The following SNX29 variants were observed in gnomAD, a reference collection of about 807,000 sequenced individuals.
SNX29 encodes sorting nexin-29.
A neutral mutation model predicts 102.1 loss-of-function variants in SNX29; 78 were observed. The ratio of observed to expected loss-of-function variants is 0.76; its 90% confidence interval spans 0.64 to 0.92. The LOEUF (loss-of-function observed/expected upper bound fraction) is 0.92, where lower values mean the gene tolerates loss of function less well. Among genes scored for constraint, SNX29 ranks in the 40% least tolerant of loss-of-function variants. The pLI is 0.00. For synonymous variants in SNX29, 580 were observed against 414.5 expected, an observed-to-expected ratio of 1.40 and a Z score of -4.85; for missense variants, 1,280 against 1,061.7, an observed-to-expected ratio of 1.21 and a Z score of -2.86.
At chr16:12,542,667 G>C (rs144241965) in intron 20 of SNX29, among the ~76,000 whole-genome samples, 2 of 152,160 alleles carry the variant, frequency 1.3e-5, no homozygotes, top group Non-Finnish European at 2.9e-5. Context: ...TGAAGGCAGC[G>C]TGTTGGGAAC....
At chr16:12,215,855 GC>G (rs916867091) in intron 14 of SNX29, among the ~76,000 whole-genome samples, 5 of 152,194 alleles carry the variant, frequency 3.3e-5, no homozygotes, top group African/African-American at 1.2e-4. Flanking sequence ...AATTACTGCT[GC>G]CCTCATTTGC....
At chr16:12,053,265 C>G (rs886300864) in intron 8 of SNX29, 5 of 112,102 alleles carry the variant, frequency 4.5e-5, no homozygotes, top group African/African-American at 6.8e-5. Flanking sequence ...GCCTGGGCAA[C>G]AAGAGAGAAG....
At chr16:12,266,260 C>G (rs2078924420) in intron 14 of SNX29, among the ~76,000 whole-genome samples, 1 of 152,118 alleles carries the variant, frequency 6.6e-6, no homozygotes, top group Admixed American at 6.6e-5. Flanking sequence ...ACACCGCTCT[C>G]AACACACCAT....
chr16:12,202,127 C>T (rs1367455321), intron 14 of SNX29, among the ~76,000 whole-genome samples: 1 of 152,146 alleles, frequency 6.6e-6, no homozygotes, highest in East Asian at 1.9e-4. Context: ...CTTACTTCTG[C>T]ATTATTACAT....
At chr16:12,079,263 TG>T (rs1471654575) in intron 11 of SNX29, among the ~76,000 whole-genome samples, 1 of 152,232 alleles carries the variant, frequency 6.6e-6, no homozygotes, top group African/African-American at 2.4e-5. Context: ...TTTTTGTAAG[TG>T]AAGAAGAATA....
At chr16:12,391,240 C>A (rs756880570) in intron 16 of SNX29, among the ~76,000 whole-genome samples, 9 of 152,198 alleles carry the variant, frequency 5.9e-5, no homozygotes, top group Non-Finnish European at 1.2e-4. Flanking sequence ...GCCACCATGC[C>A]CAGCCTTACA....
chr16:12,212,035 C>A (rs1208145161), intron 14 of SNX29, among the ~76,000 whole-genome samples: 1 of 152,000 alleles, frequency 6.6e-6, no homozygotes, highest in Admixed American at 6.5e-5. Context: ...CATGCTTTCC[C>A]CAGTGCTTCT....
chr16:12,148,074 G>GC (rs2055141728), intron 13 of SNX29, among the ~76,000 whole-genome samples: 1 of 152,218 alleles, frequency 6.6e-6, no homozygotes, highest in Non-Finnish European at 1.5e-5. Flanking sequence ...ACTCGTACCT[G>GC]CTGCTGCTCA....
intron 14 of SNX29, among the ~76,000 whole-genome samples, chr16:12,269,649 G>C (rs1274471101): frequency 6.6e-6 from 1 of 152,142 alleles, no homozygotes; most frequent in Admixed American, 6.5e-5. Context: ...ACACTGTCAA[G>C]GTAACTCAGA....
intron 20 of SNX29, among the ~76,000 whole-genome samples, chr16:12,544,276 A>C (rs989878692): frequency 2.0e-5 from 3 of 152,022 alleles, no homozygotes; most frequent in Non-Finnish European, 4.4e-5. Context: ...AGGACTTTAC[A>C]CTCTCAGTAC....
At chr16:12,208,219 C>T (rs537744851) in intron 14 of SNX29, among the ~76,000 whole-genome samples, 6 of 152,306 alleles carry the variant, frequency 3.9e-5, no homozygotes, top group East Asian at 1.9e-4. Context: ...CGGAGGGTCT[C>T]GGAAGTGTTC....
intron 15 of SNX29, among the ~76,000 whole-genome samples, chr16:12,317,505 T>C (rs1253475386): frequency 6.6e-6 from 1 of 152,190 alleles, no homozygotes; most frequent in African/African-American, 2.4e-5. Flanking sequence ...CCTGTGCCTT[T>C]AGAGCCACAG....
At position 11,999,170 on chromosome 16, in the gene SNX29, G is replaced by C. The variant is rs191267497; in HGVS notation, c.8-127G>C. 634 of 779,268 alleles carry C rather than the reference G, an allele frequency of 8.1e-4. 2 individuals carry two copies. Among genetic ancestry groups the C allele is most frequent in the Non-Finnish European group, 1.2e-3 (582 of 481,146 alleles). The allele number at this position is 779,268 out of a possible 1,614,324, so 48.3% of individuals were successfully genotyped here. ...GGCAATAGCCAAACTTCATTGTAAT[G>C]ATACAGATTATTGATACCTAGTTGT... is the stretch of plus-strand genomic sequence containing the variant. On this transcript the variant is annotated intron_variant, in intron 1 of 20. Coordinates refer to ENST00000566228, the MANE Select transcript of SNX29 (RefSeq NM_032167.5).
chr16:12,084,129 C>T (rs192782922), intron 11 of SNX29, among the ~76,000 whole-genome samples: 1 of 151,334 alleles, frequency 6.6e-6, no homozygotes, highest in Non-Finnish European at 1.5e-5. Context: ...AATACAAAAG[C>T]CTGTTATGAA....
intron 15 of SNX29, among the ~76,000 whole-genome samples, chr16:12,290,531 G>A (rs977605250): frequency 1.8e-4 from 28 of 152,236 alleles, no homozygotes; most frequent in Middle Eastern, 6.8e-3. Flanking sequence ...CCATTTACCT[G>A]TGTTCATCCT....
chr16:12,170,904 G>A (rs1350968549), intron 13 of SNX29, among the ~76,000 whole-genome samples: 3 of 151,902 alleles, frequency 2.0e-5, no homozygotes, highest in African/African-American at 7.3e-5. Flanking sequence ...CATCCCGGAG[G>A]CCCTGATGGC....
chr16:12,180,507 G>T (rs1338144671), intron 13 of SNX29, among the ~76,000 whole-genome samples: 2 of 147,826 alleles, frequency 1.4e-5, no homozygotes, highest in Non-Finnish European at 3.0e-5. Flanking sequence ...TTTTTGAGAT[G>T]GAGTCTTGCT....
chr16:12,332,345 C>T (rs1197195870), intron 15 of SNX29, among the ~76,000 whole-genome samples: 3 of 152,114 alleles, frequency 2.0e-5, no homozygotes, highest in East Asian at 1.9e-4. Flanking sequence ...CATGAAGCTC[C>T]GTCATTTTCC....
chr16:12,237,060 C>A (rs2077957142), intron 14 of SNX29, among the ~76,000 whole-genome samples: 1 of 152,164 alleles, frequency 6.6e-6, no homozygotes, highest in African/African-American at 2.4e-5. Context: ...AACTGACTCT[C>A]AGTCTCACAG....
Sources: gnomAD v4.1 joint callset for allele counts (sites outside exome capture counted in the v4.1 genomes callset) on GRCh38, gnomAD v4.1.1 for gene constraint, MANE v1.5 for transcripts, NCBI Gene and HGNC (gene_info 2026-07-23, HGNC 2026-07-21) for gene names.